NR1H3: variants seen among roughly 807,000 people sequenced by gnomAD.
NR1H3 encodes nuclear receptor subfamily 1 group H member 3.
A neutral mutation model predicts 48.1 loss-of-function variants in NR1H3; 19 were observed. The observed-to-expected ratio is 0.40, with a 90% CI of 0.28 to 0.58. The LOEUF is 0.58. Among genes scored for constraint, NR1H3 ranks in the 20% least tolerant of loss-of-function variants. The pLI is 0.50. For synonymous variants in NR1H3, 232 were observed against 227.3 expected, an observed-to-expected ratio of 1.02 and a Z score of -0.19; for missense variants, 486 against 595.9, an observed-to-expected ratio of 0.82 and a Z score of 1.92.
chr11:47,249,381 A>G (rs1954412112), intron 1 of NR1H3, among the ~76,000 whole-genome samples: 1 of 152,144 alleles, frequency 6.6e-6, no homozygotes, highest in African/African-American at 2.4e-5. Context: ...ACAAAGCTTC[A>G]GTAGCCCTCT....
At chr11:47,258,848 G>T (rs750846139) in intron 1 of NR1H3, 18 of 208,896 alleles carry the variant, frequency 8.6e-5, no homozygotes, top group Non-Finnish European at 1.7e-4. Context: ...TAATAGTTTT[G>T]ACCTCAGAGG....
intron 7 of NR1H3, among the ~76,000 whole-genome samples, chr11:47,263,536 A>T (rs368998496): frequency 1.3e-5 from 2 of 151,158 alleles, no homozygotes; most frequent in South Asian, 2.1e-4. Flanking sequence ...TCGGCCTCCC[A>T]ATGTGCTGGG....
At position 47,261,341 on chromosome 11, in the gene NR1H3, C is replaced by G. The variant is rs147104411; in HGVS notation, c.600C>G (p.Pro200=). Residue 200 remains proline (P), a synonymous_variant, in exon 5 of 10, where the codon CCC becomes CCG. Coordinates refer to ENST00000441012, the MANE Select transcript of NR1H3 (RefSeq NM_005693.4). The part of the protein sequence containing the change: ...TSLPPRASSP[P]QILPQLSPEQ... ...TGCCCCCCAGGGCTTCCTCACCCCC[C>G]CAAATCCTGCCCCAGCTCAGCCCGG... 33 of 1,614,028 alleles carry G rather than the reference C, an allele frequency of 2.0e-5. No individual in the cohort carries two copies. The highest frequency in any genetic ancestry group is 3.3e-4 in the Middle Eastern group (2 of 6,084).
At chr11:47,256,907 T>G (rs574155139), upstream of NR1H3, among the ~76,000 whole-genome samples, 3 of 152,066 alleles carry the variant, frequency 2.0e-5, no homozygotes, top group South Asian at 6.2e-4. Flanking sequence ...ATTTTTTGTA[T>G]TTTTAGGAGA....
At chr11:47,256,230 G>C (rs1351045972), upstream of NR1H3, among the ~76,000 whole-genome samples, 2 of 150,634 alleles carry the variant, frequency 1.3e-5, no homozygotes, top group African/African-American at 4.9e-5. Flanking sequence ...TAGTAGAGAC[G>C]GGGTTTCACC....
chr11:47,266,523 C>T (rs554502883), intron 7 of NR1H3, among the ~76,000 whole-genome samples: 9 of 151,932 alleles, frequency 5.9e-5, no homozygotes, highest in Admixed American at 3.9e-4. Flanking sequence ...TAGTAGAGAC[C>T]GGGTTTCACT....
intron 7 of NR1H3, among the ~76,000 whole-genome samples, chr11:47,263,375 C>T (rs1956121115): frequency 6.6e-6 from 1 of 151,830 alleles, no homozygotes; most frequent in Non-Finnish European, 1.5e-5. Context: ...AGTAATCCTC[C>T]TGCCTCAGCC....
upstream of NR1H3, among the ~76,000 whole-genome samples, chr11:47,254,747 C>T (rs113538237): frequency 0.014 from 2,157 of 152,274 alleles, 23 homozygotes; most frequent in Non-Finnish European, 0.021. Context: ...TCCCCAGCCC[C>T]GGCCTGTTCC....
upstream of NR1H3, chr11:47,257,656 A>G: frequency 1.0e-6 from 1 of 985,532 alleles, no homozygotes; most frequent in Non-Finnish European, 1.2e-6. Context: ...AGGGGAGGGA[A>G]CACGATTCTG....
At chr11:47,264,787 C>G (rs2135678065) in intron 7 of NR1H3, among the ~76,000 whole-genome samples, 1 of 152,328 alleles carries the variant, frequency 6.6e-6, no homozygotes, top group Admixed American at 6.5e-5. Context: ...CTCTGCTTGT[C>G]AAGTCTCCTC....
At chr11:47,265,518 C>T (rs564700042) in intron 7 of NR1H3, among the ~76,000 whole-genome samples, 1 of 152,310 alleles carries the variant, frequency 6.6e-6, no homozygotes, top group African/African-American at 2.4e-5. Context: ...GGTATCATTA[C>T]TTTAGCTCAT....
At chr11:47,266,809 T>G (rs887158880) in intron 7 of NR1H3, among the ~76,000 whole-genome samples, 1 of 151,750 alleles carries the variant, frequency 6.6e-6, no homozygotes, top group African/African-American at 2.4e-5. Flanking sequence ...GCCCAGCTAA[T>G]TTTTGTATTT....
chr11:47,268,824 C>T lies in NR1H3; in HGVS notation c.*128C>T. The T allele has an allele frequency of 8.1e-7, 1 of 1,229,576 alleles. No individual in the cohort carries two copies. Among genetic ancestry groups the T allele is most frequent in the East Asian group, 2.4e-5 (1 of 42,530 alleles). 76.2% of individuals were successfully genotyped at this position (1,229,576 alleles called of 1,614,324 possible). A position where few individuals can be genotyped will look rare whatever the true frequency, so the allele number is the denominator to read the frequency against. On this transcript the variant is annotated 3_prime_UTR_variant, in exon 10 of 10. Coordinates refer to ENST00000441012, the MANE Select transcript of NR1H3 (RefSeq NM_005693.4). ...GCTGGGCAAGGAGATCCTCCCGTGG[C>T]ATTAAAAGAGAGTCAAAGGGTTGCG...
chr11:47,265,480 T>C (rs1045455534), intron 7 of NR1H3, among the ~76,000 whole-genome samples: 9 of 152,204 alleles, frequency 5.9e-5, no homozygotes, highest in African/African-American at 2.2e-4. Context: ...GCAGAGACTT[T>C]GACAATGTGT....
intron 7 of NR1H3, among the ~76,000 whole-genome samples, chr11:47,263,176 AACTCAGTGC>A (rs1420310138): frequency 6.6e-6 from 1 of 152,090 alleles, no homozygotes; most frequent in Non-Finnish European, 1.5e-5. Context: ...AAAAGTTTGA[AACTCAGTGC>A]ACTCAACTTT....
upstream of NR1H3, among the ~76,000 whole-genome samples, chr11:47,257,255 G>C (rs1271725961): frequency 2.0e-5 from 3 of 152,214 alleles, no homozygotes; most frequent in Admixed American, 2.0e-4. Context: ...ACTTCAGATG[G>C]GGTTGTTCCC....
At chr11:47,261,781 G>T (rs760619764) in intron 6 of NR1H3, 55 bp downstream of exon 6, 2 of 1,612,370 alleles carry the variant, frequency 1.2e-6, no homozygotes, top group Non-Finnish European at 1.7e-6. Flanking sequence ...TTATCTGTGG[G>T]AGGGGCCTCC....
chr11:47,249,116 G>T (rs1355841058), intron 1 of NR1H3: 1 of 992,314 alleles, frequency 1.0e-6, no homozygotes, highest in Non-Finnish European at 1.4e-6. Context: ...ACTTGCAGTG[G>T]GCGGGACCAT....
At chr11:47,252,803 C>T (rs1954772797) in intron 1 of NR1H3, among the ~76,000 whole-genome samples, 1 of 148,898 alleles carries the variant, frequency 6.7e-6, no homozygotes, top group Non-Finnish European at 1.5e-5. Flanking sequence ...TTAGCCTGAC[C>T]TAGTGATCCA....
Sources: gnomAD v4.1 joint callset for allele counts (sites outside exome capture counted in the v4.1 genomes callset) on GRCh38, gnomAD v4.1.1 for gene constraint, MANE v1.5 for transcripts, NCBI Gene and HGNC (gene_info 2026-07-23, HGNC 2026-07-21) for gene names.